Variants in ZNF420 observed in about 807,000 individuals in gnomAD.
ZNF420 encodes the protein zinc finger protein 420.
In ZNF420, 31 loss-of-function variants were observed where a neutral mutation model predicts 44.7. That is an observed-to-expected ratio of 0.69 (90% CI 0.52 to 0.94). The LOEUF (loss-of-function observed/expected upper bound fraction) is 0.94. Among genes scored for constraint, ZNF420 ranks in the 40% least tolerant of loss-of-function variants. The pLI is 0.00. For missense variants in ZNF420, 681 were observed against 827.9 expected, an observed-to-expected ratio of 0.82 and a Z score of 2.18; for synonymous variants, 245 against 267.4, an observed-to-expected ratio of 0.92 and a Z score of 0.82.
At chr19:37,010,448 C>T (rs1007743515) in intron 1 of ZNF420, among the ~76,000 whole-genome samples, 1 of 152,038 alleles carries the variant, frequency 6.6e-6, no homozygotes, top group Admixed American at 6.5e-5. Flanking sequence ...AGAGCAGAAC[C>T]CCGCAGCCTC....
intron 4 of ZNF420, among the ~76,000 whole-genome samples, chr19:37,103,351 T>A (rs971278756): frequency 1.3e-5 from 2 of 152,226 alleles, no homozygotes; most frequent in Non-Finnish European, 2.9e-5. Context: ...TTTATCTATC[T>A]TCCTATATTA....
In ZNF420 at chr19:37,128,303, C is replaced by G; in HGVS notation, c.1312C>G (p.Gln438Glu). The G allele has an allele frequency of 6.2e-7, 1 of 1,613,738 alleles. No homozygotes were observed. The highest frequency in any genetic ancestry group is 8.5e-7 in the Non-Finnish European group (1 of 1,179,910). ...TCGTGGCTCACTCCTTACACGACAC[C>G]AGAGGATTCATACTGGTGAGAAACC... ...FNRGSLLTRHQRIHTGEKPYE... is the reference protein window; with the variant it reads ...FNRGSLLTRHERIHTGEKPYE... Residue 438 changes from glutamine (Q) to glutamate (E), a missense_variant, in exon 5 of 5, where the codon CAG becomes GAG. Transcript: ENST00000337995.
At chr19:37,061,250 G>A (rs970817631) in intron 1 of ZNF420, among the ~76,000 whole-genome samples, 5 of 152,148 alleles carry the variant, frequency 3.3e-5, no homozygotes, top group South Asian at 2.1e-4. Context: ...CTGTTTGCAC[G>A]TGTCCTGCAC....
At chr19:37,123,482 T>C (rs1393863266) in intron 4 of ZNF420, among the ~76,000 whole-genome samples, 1 of 152,144 alleles carries the variant, frequency 6.6e-6, no homozygotes, top group Non-Finnish European at 1.5e-5. Flanking sequence ...CCTTAGGCTA[T>C]TGAAGCCAGC....
chr19:37,077,530 A>G (rs1968189123), upstream of ZNF420, among the ~76,000 whole-genome samples: 1 of 152,242 alleles, frequency 6.6e-6, no homozygotes, highest in African/African-American at 2.4e-5. Flanking sequence ...TAACACATAT[A>G]TTTGATCCAA....
chr19:37,086,212 G>A (rs2146513345), intron 2 of ZNF420, among the ~76,000 whole-genome samples: 1 of 152,130 alleles, frequency 6.6e-6, no homozygotes, highest in South Asian at 2.1e-4. Flanking sequence ...TCCCTTAGCA[G>A]TGAGATGACT....
chr19:37,073,283 T>C (rs1233342689), intron 1 of ZNF420, among the ~76,000 whole-genome samples: 1 of 152,226 alleles, frequency 6.6e-6, no homozygotes, highest in Non-Finnish European at 1.5e-5. Flanking sequence ...AAATTTATAA[T>C]CCTAAGTTTA....
intron 4 of ZNF420, among the ~76,000 whole-genome samples, chr19:37,122,777 T>C (rs1350476129): frequency 6.6e-6 from 1 of 152,166 alleles, no homozygotes; most frequent in Non-Finnish European, 1.5e-5. Context: ...TTTTTCATCC[T>C]TCCCCTTCTG....
chr19:37,013,822 C>T (rs1342541852), intron 1 of ZNF420, among the ~76,000 whole-genome samples: 3 of 152,218 alleles, frequency 2.0e-5, no homozygotes, highest in Non-Finnish European at 4.4e-5. Flanking sequence ...ACACTGCTTT[C>T]TGGGACCAGT....
At chr19:37,067,165 G>A (rs749403199) in intron 1 of ZNF420, among the ~76,000 whole-genome samples, 2 of 152,182 alleles carry the variant, frequency 1.3e-5, no homozygotes, top group Non-Finnish European at 1.5e-5. Context: ...TGACTAGGAA[G>A]GAGCATGAAG....
chr19:37,056,711 T>C (rs1244836429), intron 1 of ZNF420, among the ~76,000 whole-genome samples: 2 of 152,180 alleles, frequency 1.3e-5, no homozygotes, highest in Non-Finnish European at 2.9e-5. Flanking sequence ...CCTGCTCACC[T>C]GGTGGGATTC....
chr19:37,009,263 C>T (rs541912898), intron 1 of ZNF420, among the ~76,000 whole-genome samples: 2 of 152,140 alleles, frequency 1.3e-5, no homozygotes, highest in African/African-American at 4.8e-5. Context: ...GCTACCTAGG[C>T]GGTGGAGGGA....
At chr19:37,085,486 C>G (rs1034620987) in intron 2 of ZNF420, among the ~76,000 whole-genome samples, 2 of 152,178 alleles carry the variant, frequency 1.3e-5, no homozygotes, top group Non-Finnish European at 2.9e-5. Flanking sequence ...AGGTGGCCTC[C>G]CCGCAGCAGA....
In ZNF420 at chr19:37,128,485, T is replaced by C; in HGVS notation, c.1494T>C (p.Thr498=). The change falls in exon 5 of 5, where the codon ACT becomes ACC. Residue 498 remains threonine, a synonymous_variant. Transcript: ENST00000337995. ...SQLTQHQRIH[T]GEKPYECKEC... is the part of the protein sequence containing the mutation. ...TTACTCAACATCAGAGAATCCATAC[T>C]GGTGAGAAACCTTATGAATGTAAAG... 1 of 1,614,112 alleles carries C rather than the reference T, an allele frequency of 6.2e-7. No individual in the cohort carries two copies. Among genetic ancestry groups the C allele is most frequent in the Non-Finnish European group, 8.5e-7 (1 of 1,179,978 alleles).
chr19:37,064,871 C>A (rs534166089), intron 1 of ZNF420, among the ~76,000 whole-genome samples: 3 of 152,180 alleles, frequency 2.0e-5, no homozygotes, highest in African/African-American at 4.8e-5. Flanking sequence ...TGACAAAGTC[C>A]GGCGGAGTCA....
chr19:37,083,007 C>T (rs145489829), intron 2 of ZNF420, among the ~76,000 whole-genome samples: 3,685 of 151,592 alleles, frequency 0.024, 161 homozygotes, highest in African/African-American at 0.084. Flanking sequence ...GCTACAGGCA[C>T]GCGCCACCAT....
intron 1 of ZNF420, among the ~76,000 whole-genome samples, chr19:37,073,209 T>TA (rs1473805435): frequency 6.6e-6 from 1 of 151,936 alleles, no homozygotes; most frequent in East Asian, 1.9e-4. Context: ...CCCATCTCTT[T>TA]AAAAAAGAAA....
chr19:37,034,025 G>A (rs1009875983), intron 1 of ZNF420, among the ~76,000 whole-genome samples: 1 of 151,838 alleles, frequency 6.6e-6, no homozygotes, highest in Non-Finnish European at 1.5e-5. Flanking sequence ...AAAGTGCTGG[G>A]ATTGCAGGCA....
At chr19:37,008,209 TG>T (rs1050817212) in intron 1 of ZNF420, 4 of 307,398 alleles carry the variant, frequency 1.3e-5, no homozygotes, top group African/African-American at 4.6e-5. Context: ...AGGAGTTGCC[TG>T]GGGCGGGCGG....
Sources: gnomAD v4.1 joint callset for allele counts (sites outside exome capture counted in the v4.1 genomes callset) on GRCh38, gnomAD v4.1.1 for gene constraint, MANE v1.5 for transcripts, NCBI Gene and HGNC (gene_info 2026-07-23, HGNC 2026-07-21) for gene names.